The following THBS4 variants were observed in gnomAD, a reference collection of about 807,000 sequenced individuals.
THBS4 encodes thrombospondin-4.
Under a neutral mutation model 115.7 loss-of-function variants are expected in THBS4, and 90 were observed. The observed-to-expected ratio is 0.78, with a 90% CI of 0.66 to 0.93. The LOEUF is 0.93. Ranked by LOEUF, THBS4 falls within the 40% of genes least tolerant of loss-of-function variation. The pLI, the probability that THBS4 is intolerant of heterozygous loss-of-function variation, is 0.00. For missense variants in THBS4, 1,087 were observed against 1,232.7 expected, an observed-to-expected ratio of 0.88 and a Z score of 1.77; for synonymous variants, 460 against 479.3, an observed-to-expected ratio of 0.96 and a Z score of 0.53.
At chr5:80,065,670 A>C (rs1016249402) in intron 9 of THBS4, among the ~76,000 whole-genome samples, 193 bp downstream of exon 9, 1 of 152,240 alleles carries the variant, frequency 6.6e-6, no homozygotes, top group Non-Finnish European at 1.5e-5. Flanking sequence ...TTATGTAAGA[A>C]TAATTTTATA....
In THBS4 at chr5:80,004,032, G is replaced by A. The variant is rs537206840; in HGVS notation, n.177+5605G>A. ...GACCTGCATGATTCAGGGCCAGAGA[G>A]GTGAATGAAGATAAAGGGAACTAAG... On this transcript the variant is annotated intron_variant and non_coding_transcript_variant, in intron 2 of 3. Transcript: ENST00000510218. 1.4e-4 allele frequency among the ~76,000 whole-genome samples: 21 copies of A among 152,304 alleles called. 1 individual carries two copies. The South Asian group carries it at 4.4e-3, about 32-fold the overall frequency.
chr5:80,028,385 C>G (rs1832520689), intron 2 of THBS4, among the ~76,000 whole-genome samples: 1 of 152,128 alleles, frequency 6.6e-6, no homozygotes, highest in Non-Finnish European at 1.5e-5. Context: ...TAGCTCTTAT[C>G]TGGCCTGACC....
At chr5:80,002,759 AAAAG>A (rs1211567968) in intron 2 of THBS4, among the ~76,000 whole-genome samples, 1 of 151,546 alleles carries the variant, frequency 6.6e-6, no homozygotes, top group African/African-American at 2.4e-5. Context: ...AAAAAAAAAA[AAAAG>A]GAAAACCTAA....
intron 9 of THBS4, 96 bp downstream of exon 9, chr5:80,065,573 T>A: frequency 8.9e-7 from 1 of 1,125,742 alleles, no homozygotes; most frequent in Non-Finnish European, 1.3e-6. Flanking sequence ...ACCTAGAACA[T>A]GTGGGCATAA....
chr5:80,062,488 TTTA>T (rs1833668372), intron 8 of THBS4, among the ~76,000 whole-genome samples: 1 of 152,154 alleles, frequency 6.6e-6, no homozygotes, highest in African/African-American at 2.4e-5. Context: ...AGGGCAGGGG[TTTA>T]TTATTTCCTA....
chr5:80,017,019 A>G (rs531885494), intron 2 of THBS4, among the ~76,000 whole-genome samples: 2 of 152,340 alleles, frequency 1.3e-5, no homozygotes, highest in East Asian at 3.9e-4. Flanking sequence ...AAGACAGATG[A>G]TAAGAACACA....
chr5:80,016,208 A>C (rs1832247208), intron 2 of THBS4, among the ~76,000 whole-genome samples: 1 of 152,138 alleles, frequency 6.6e-6, no homozygotes, highest in African/African-American at 2.4e-5. Flanking sequence ...GTCTTTAATC[A>C]AGACAGATTA....
intron 21 of THBS4, 51 bp from the exon 22 acceptor site, chr5:80,083,029 T>A: frequency 6.4e-7 from 1 of 1,557,112 alleles, no homozygotes; most frequent in African/African-American, 1.4e-5. Context: ...GGGTCCGGGG[T>A]CCGGGGTGGA....
chr5:80,069,334 T>C (rs1251377860), intron 10 of THBS4, among the ~76,000 whole-genome samples: 1 of 152,254 alleles, frequency 6.6e-6, no homozygotes, highest in African/African-American at 2.4e-5. Context: ...AATACAGATA[T>C]TCTGTAACAA....
Position 80,080,217 on chromosome 5 carries a change from T to C in THBS4, c.2684+140T>C. On this transcript the variant is annotated intron_variant, in intron 20 of 21. Coordinates refer to ENST00000350881, the MANE Select transcript of THBS4 (RefSeq NM_003248.6). The stretch of plus-strand genomic sequence containing the variant: ...TGCCAGGACTTTTGTGACCGCAGGA[T>C]GGGGAACCTAGAAAAGAGGTGGGAG... 4 of 1,018,772 alleles carry C rather than the reference T, an allele frequency of 3.9e-6. No individual in the cohort carries two copies. The South Asian group carries it at 5.1e-5, about 13-fold the overall frequency. The allele number at this position is 1,018,772 out of a possible 1,614,324, so 63.1% of individuals were successfully genotyped here. A position where few individuals can be genotyped will look rare whatever the true frequency, so the allele number is the denominator to read the frequency against.
chr5:80,063,140 CA>C (rs1309401970), intron 8 of THBS4, among the ~76,000 whole-genome samples: 1 of 152,246 alleles, frequency 6.6e-6, no homozygotes, highest in Non-Finnish European at 1.5e-5. Context: ...AACTAGTTTA[CA>C]GTCCCACCAA....
chr5:80,056,477 T>C (rs1202202580), intron 3 of THBS4, among the ~76,000 whole-genome samples: 1 of 152,214 alleles, frequency 6.6e-6, no homozygotes, highest in African/African-American at 2.4e-5. Flanking sequence ...TAACAGCATT[T>C]TCACAGGTCT....
chr5:80,067,921 T>C (rs1477818039), intron 9 of THBS4, 52 bp from the exon 10 acceptor site: 17 of 1,598,398 alleles, frequency 1.1e-5, no homozygotes, highest in Non-Finnish European at 8.5e-6. Flanking sequence ...TTGCTCAAAC[T>C]GTACCTTTGC....
At chr5:80,053,766 T>G (rs1438736) in intron 2 of THBS4, among the ~76,000 whole-genome samples, 4 of 151,956 alleles carry the variant, frequency 2.6e-5, no homozygotes, top group South Asian at 2.1e-4. Context: ...GGGTTTCACC[T>G]TATTGGTCAG....
intron 20 of THBS4, 122 bp from the exon 21 acceptor site, chr5:80,082,284 A>C: frequency 7.4e-7 from 1 of 1,343,256 alleles, no homozygotes; most frequent in Non-Finnish European, 1.0e-6. Flanking sequence ...CGAAAAATGG[A>C]GCCTAAAACA....
chr5:80,046,647 A>G lies in THBS4; in HGVS notation c.292+6367A>G, dbSNP rs1833075713. ...TTCAAAGCTGATAGATTAAAAAAAC[A>G]TGCTGTGAGCATAATGTATCTGACT... On this transcript the variant is annotated intron_variant, in intron 2 of 21. Coordinates refer to ENST00000350881, the MANE Select transcript of THBS4 (RefSeq NM_003248.6). 2.6e-5 allele frequency among the ~76,000 whole-genome samples: 4 copies of G among 152,344 alleles called. 1 individual carries two copies.
rs1833899422 is a variant in THBS4 at position 80,068,068 on chromosome 5, C to A, written c.1290C>A (p.Asn430Lys). Residue 430 changes from asparagine (N) to lysine (K), a missense_variant, in exon 10 of 22, where the codon AAC (asparagine) becomes AAA (lysine). Transcript: ENST00000350881. ...GAAACTGCAGAAACCCAGAGCTGAACCCTTGCAGTGTGAATGCCCAGTGCA... is the reference window on the plus strand; with the variant it reads ...GAAACTGCAGAAACCCAGAGCTGAAACCTTGCAGTGTGAATGCCCAGTGCA... ...AERNCRNPEL[N>K]PCSVNAQCIE... 1 of 1,614,066 alleles carries A rather than the reference C, an allele frequency of 6.2e-7. No homozygotes were observed. The highest frequency in any genetic ancestry group is 8.5e-7 in the Non-Finnish European group (1 of 1,180,042).
chr5:80,077,094 T>C, intron 16 of THBS4, 46 bp downstream of exon 16: 1 of 1,479,108 alleles, frequency 6.8e-7, no homozygotes, highest in Non-Finnish European at 9.0e-7. Flanking sequence ...TGGGCTCCCT[T>C]CAGCCAGGCA....
At chr5:80,076,232 C>G (rs988302405) in intron 15 of THBS4, 3 of 152,256 alleles carry the variant, frequency 2.0e-5, no homozygotes, top group African/African-American at 7.2e-5. Context: ...CCATGGCGTT[C>G]AGGTCTGAAT....
Sources: gnomAD v4.1 joint callset for allele counts (sites outside exome capture counted in the v4.1 genomes callset) on GRCh38, gnomAD v4.1.1 for gene constraint, MANE v1.5 for transcripts, NCBI Gene and HGNC (gene_info 2026-07-23, HGNC 2026-07-21) for gene names.